PRSS2: variants seen among roughly 807,000 people sequenced by gnomAD.
PRSS2 encodes the protein serine protease 2.
PRSS2 carries 19 observed loss-of-function variants against 19.2 expected under a neutral mutation model. The observed-to-expected ratio is 0.99, with a 90% CI of 0.69 to 1.45. The LOEUF (loss-of-function observed/expected upper bound fraction) is 1.45, where lower values mean the gene tolerates loss of function less well. PRSS2 is among the 40% of genes most tolerant of loss of function. PRSS2 has a pLI of 0.00. For missense variants in PRSS2, 288 were observed against 294.4 expected (o/e 0.98, Z 0.16); for synonymous variants, 107 against 117.5 (o/e 0.91, Z 0.58).
In PRSS2 at chr7:142,773,213, G is replaced by A. The variant is rs532687723; in HGVS notation, c.201-53G>A. ...CTTAAGGACCCATGGAAAGGTGGGAGGGGTGCCCTGGCTGTGGGAGAAGGT... is the reference window on the plus strand; with the variant it reads ...CTTAAGGACCCATGGAAAGGTGGGAAGGGTGCCCTGGCTGTGGGAGAAGGT... On this transcript the variant is annotated intron_variant, in intron 2 of 4. Transcript: ENST00000539842. 8 of 1,445,702 alleles carry A rather than the reference G, an allele frequency of 5.5e-6. No homozygotes were observed. In the African/African-American group the frequency reaches 1.2e-4, roughly 22 times the overall value. The allele number at this position is 1,445,702 out of a possible 1,614,324, so 89.6% of individuals were successfully genotyped here.
intron 1 of PRSS2, 105 bp from the exon 2 acceptor site, chr7:142,771,944 C>A (rs1218243599): frequency 1.3e-6 from 2 of 1,548,386 alleles, no homozygotes; most frequent in Non-Finnish European, 1.8e-6. Flanking sequence ...CCTAGCCTCA[C>A]TGAGCTTGTT....
intron 1 of PRSS2, among the ~76,000 whole-genome samples, chr7:142,771,779 G>A (rs1799921059): frequency 6.6e-6 from 1 of 152,194 alleles, no homozygotes; most frequent in Non-Finnish European, 1.5e-5. Context: ...TATCCCACTG[G>A]AAGTATTGTG....
intron 2 of PRSS2, among the ~76,000 whole-genome samples, 182 bp from the exon 3 acceptor site, chr7:142,773,084 A>G (rs1467165275): frequency 4.6e-5 from 7 of 152,186 alleles, no homozygotes; most frequent in Non-Finnish European, 1.0e-4. Flanking sequence ...TGAAGCAGAA[A>G]GGTCCTGGGT....
chr7:142,773,215 G>T, intron 2 of PRSS2, 51 bp from the exon 3 acceptor site: 6 of 1,614,094 alleles, frequency 3.7e-6, no homozygotes, highest in Non-Finnish European at 8.5e-7. Flanking sequence ...AGGTGGGAGG[G>T]GTGCCCTGGC....
At chr7:142,774,222 G>A in intron 4 of PRSS2, 134 bp from the exon 5 acceptor site, 1 of 1,149,852 alleles carries the variant, frequency 8.7e-7, no homozygotes, top group Admixed American at 1.7e-5. Flanking sequence ...AGGAAGAACA[G>A]AGAATGGGCC....
At position 142,772,380 on chromosome 7, in the gene PRSS2, G is replaced by A. The variant is rs1195389380; in HGVS notation, c.200+172G>A. On this transcript the variant is annotated intron_variant, in intron 2 of 4. Coordinates refer to ENST00000539842, the MANE Select transcript of PRSS2 (RefSeq NM_002770.4). Reference sequence around the variant, plus strand: ...GCAGAGAGTGAACACAAGACAGGAAGCCCTCACACCCAGGCAAATCCATGA... The same window carrying A: ...GCAGAGAGTGAACACAAGACAGGAAACCCTCACACCCAGGCAAATCCATGA... 7.1e-6 allele frequency: 7 copies of A among 979,390 alleles called. No homozygotes were observed. In the South Asian group the frequency reaches 9.8e-5, roughly 14 times the overall value. The allele number at this position is 979,390 out of a possible 1,614,324, so 60.7% of individuals were successfully genotyped here.
chr7:142,773,893 C>T (rs1800201598), intron 3 of PRSS2, 26 bp from the exon 4 acceptor site: 1 of 1,603,890 alleles, frequency 6.2e-7, no homozygotes, highest in African/African-American at 1.3e-5. Flanking sequence ...ACATTTCTTT[C>T]TTTGTTCTCT....
At chr7:142,772,540 T>G (rs1444290821) in intron 2 of PRSS2, 18 of 683,770 alleles carry the variant, frequency 2.6e-5, no homozygotes, top group Non-Finnish European at 4.5e-5. Context: ...TTAAAAATAC[T>G]GATCCCTGTG....
At chr7:142,771,256 C>G (rs1204858683) in intron 1 of PRSS2, among the ~76,000 whole-genome samples, 3 of 152,228 alleles carry the variant, frequency 2.0e-5, no homozygotes, top group African/African-American at 4.8e-5. Context: ...GTTGGAGAAG[C>G]TGGGAAGGGA....
intron 1 of PRSS2, 148 bp downstream of exon 1, chr7:142,771,170 CT>C: frequency 2.4e-6 from 1 of 416,480 alleles, no homozygotes; most frequent in Admixed American, 3.8e-5. Flanking sequence ...TCCTTGGGCT[CT>C]TTTTAAGCCT....
rs1800287465 is a variant in PRSS2, at chr7:142,774,519, C to T, written c.*11C>T. 1 of 1,606,934 alleles carries T rather than the reference C, an allele frequency of 6.2e-7. No homozygotes were observed. Among genetic ancestry groups the T allele is most frequent in the Non-Finnish European group, 8.5e-7 (1 of 1,173,668 alleles). ...GCTGCCAACAGCTAAAGCCCCTGGT[C>T]CCTCTGCAGTCTCTATACCAATAAA... On this transcript the variant is annotated 3_prime_UTR_variant, in exon 5 of 5. Transcript: ENST00000539842.
At chr7:142,771,704 G>C (rs1192067498) in intron 1 of PRSS2, among the ~76,000 whole-genome samples, 1 of 132,950 alleles carries the variant, frequency 7.5e-6, no homozygotes, top group East Asian at 2.0e-4. Context: ...TAACCAGGTG[G>C]AGTACACAGG....
In PRSS2 at chr7:142,773,933, G is replaced by T; in HGVS notation, c.469G>T (p.Glu157Ter). The T allele has an allele frequency of 6.2e-7, 1 of 1,613,228 alleles. No individual in the cohort carries two copies. The highest frequency in any genetic ancestry group is 8.5e-7 in the Non-Finnish European group (1 of 1,179,170). Residue 157 changes from glutamate to a stop codon, truncating the protein, a stop_gained, in exon 4 of 5, where the codon GAG (glutamate) becomes TAG (stop). Coordinates refer to ENST00000539842, the MANE Select transcript of PRSS2 (RefSeq NM_002770.4). LOFTEE classifies it high-confidence loss of function. Reference protein sequence around the residue: ...TLSSGADYPDELQCLDAPVLS... With the variant: ...TLSSGADYPD ...GATCCTCACAGCCGACTACCCAGAC[G>T]AGCTGCAGTGCCTGGATGCTCCTGT...
chr7:142,774,475 C>G lies in PRSS2; in HGVS notation c.711C>G (p.Asp237Glu). ...ACACCAAGGTCTACAACTATGTGGACTGGATTAAGGACACCATAGCTGCCA... is the reference window on the plus strand; with the variant it reads ...ACACCAAGGTCTACAACTATGTGGAGTGGATTAAGGACACCATAGCTGCCA... ...GVYTKVYNYV[D>E]WIKDTIAANS Residue 237 changes from aspartate (D) to glutamate (E), a missense_variant, in exon 5 of 5, where the codon GAC becomes GAG. Asp to Glu is a conservative substitution (Grantham distance 45). Coordinates refer to ENST00000539842, the MANE Select transcript of PRSS2 (RefSeq NM_002770.4). 6.2e-7 allele frequency: 1 copy of G among 1,610,862 alleles called. No homozygotes were observed. Among genetic ancestry groups the G allele is most frequent in the Non-Finnish European group, 8.5e-7 (1 of 1,176,996 alleles).
intron 3 of PRSS2, 122 bp from the exon 4 acceptor site, chr7:142,773,797 G>A: frequency 7.0e-7 from 1 of 1,418,628 alleles, no homozygotes; most frequent in Non-Finnish European, 9.9e-7. Flanking sequence ...CCCTTGCCAG[G>A]ACTTATGTTT....
chr7:142,771,938 G>A (rs1799943792), intron 1 of PRSS2, 111 bp from the exon 2 acceptor site: 1 of 1,523,604 alleles, frequency 6.6e-7, no homozygotes, highest in Non-Finnish European at 9.1e-7. Context: ...CCCTTGCCTA[G>A]CCTCACTGAG....
At position 142,774,485 on chromosome 7, in the gene PRSS2, G is replaced by T. The variant is rs766590279; in HGVS notation, c.721G>T (p.Asp241Tyr). The T allele has an allele frequency of 1.5e-4, 239 of 1,610,964 alleles. No homozygotes were observed. In the East Asian group the frequency reaches 4.5e-3, roughly 30 times the overall value. Residue 241 changes from aspartate (D) to tyrosine (Y), a missense_variant, in exon 5 of 5, where the codon GAC becomes TAC. Coordinates refer to ENST00000539842, the MANE Select transcript of PRSS2 (RefSeq NM_002770.4). Reference sequence around the variant, plus strand: ...CTACAACTATGTGGACTGGATTAAGGACACCATAGCTGCCAACAGCTAAAG... The same window carrying T: ...CTACAACTATGTGGACTGGATTAAGTACACCATAGCTGCCAACAGCTAAAG... ...KVYNYVDWIK[D>Y]TIAANS
chr7:142,772,685 A>G (rs1800040955), intron 2 of PRSS2: 1 of 589,304 alleles, frequency 1.7e-6, no homozygotes, highest in African/African-American at 2.0e-5. Flanking sequence ...AAGAACTCTT[A>G]AACCTGAGTA....
At position 142,772,208 on chromosome 7, in the gene PRSS2, CGTAAGTGTGGGGCCCCTGA is replaced by C; in HGVS notation, c.200+1_200+19del. On this transcript the variant is annotated splice_donor_variant and splice_donor_5th_base_variant and intron_variant, in intron 2 of 4. Transcript: ENST00000539842. LOFTEE classifies it high-confidence loss of function. ...GTGTCAGCAGGTCACTGCTACAAGTCGTAAGTGTGGGGCCCCTGACTGCAAAACTCCCAGCCAGGCTGCC... is the reference window on the plus strand; with the variant it reads ...GTGTCAGCAGGTCACTGCTACAAGTCCTGCAAAACTCCCAGCCAGGCTGCC... 6.2e-7 allele frequency: 1 copy of C among 1,613,604 alleles called. No individual in the cohort carries two copies. Among genetic ancestry groups the C allele is most frequent in the Non-Finnish European group, 8.5e-7 (1 of 1,179,688 alleles).
Sources: allele counts gnomAD v4.1 joint callset (sites outside exome capture counted in the v4.1 genomes callset), GRCh38; gene constraint gnomAD v4.1.1; transcripts MANE v1.5; gene names NCBI Gene and HGNC (gene_info 2026-07-23, HGNC 2026-07-21).